PDE4DIP: variants seen among roughly 807,000 people sequenced by gnomAD.
PDE4DIP encodes the protein myomegalin.
In PDE4DIP, 59 loss-of-function variants were observed where a neutral mutation model predicts 221.4. That is an observed-to-expected ratio of 0.27 (90% CI 0.22 to 0.33). The LOEUF is 0.33. PDE4DIP is among the 10% of genes least tolerant of loss of function. PDE4DIP has a pLI of 1.00. For synonymous variants in PDE4DIP, 404 were observed against 815.9 expected (o/e 0.50, Z 8.60); for missense variants, 1,036 against 2,154.2 (o/e 0.48, Z 10.28).
intron 42 of PDE4DIP, 53 bp downstream of exon 45, chr1:149,029,978 C>T (rs1575695428): frequency 3.0e-5 from 21 of 706,186 alleles, no homozygotes; most frequent in South Asian, 1.6e-4. Flanking sequence ...TCCCGATGCC[C>T]CACTTGTGCT....
intron 5 of PDE4DIP, among the ~76,000 whole-genome samples, chr1:148,950,511 TAAAGA>T (rs1384265685): frequency 6.6e-6 from 1 of 152,120 alleles, no homozygotes; most frequent in Non-Finnish European, 1.5e-5. Context: ...AGGTAATGTA[TAAAGA>T]AAAGAGGTTT....
chr1:148,936,782 T>TA (rs111645176), intron 4 of PDE4DIP, among the ~76,000 whole-genome samples: 3,071 of 152,110 alleles, frequency 0.02, 15 homozygotes, highest in African/African-American at 0.071. Flanking sequence ...AGCCTAGGCC[T>TA]ACACAGTGTC....
chr1:148,980,037 G>A lies in PDE4DIP; in HGVS notation c.2687+188G>A, dbSNP rs587728165. On this transcript the variant is annotated intron_variant, in intron 20 of 43. Transcript: ENST00000369354. ...TTTATGGATTGCTCTGAGCCTCAGT[G>A]TCAAAATCTTAAGTTGGGATTAGTG... 2.0e-5 allele frequency among the ~76,000 whole-genome samples: 3 copies of A among 152,366 alleles called. No homozygotes were observed. The South Asian group carries it at 6.2e-4, about 32-fold the overall frequency.
chr1:148,949,100 A>G (rs1198898581), intron 5 of PDE4DIP, among the ~76,000 whole-genome samples: 1 of 152,186 alleles, frequency 6.6e-6, no homozygotes, highest in Non-Finnish European at 1.5e-5. Flanking sequence ...ACTGTATTGT[A>G]TTGTATGAAT....
intron 5 of PDE4DIP, among the ~76,000 whole-genome samples, chr1:148,954,611 T>C (rs1191982346): frequency 1.3e-5 from 2 of 152,210 alleles, no homozygotes; most frequent in Admixed American, 1.3e-4. Flanking sequence ...TACTGGAAGA[T>C]ATTTGATATT....
At chr1:148,911,904 C>G (rs1462156965) in intron 1 of PDE4DIP, among the ~76,000 whole-genome samples, 43 of 149,566 alleles carry the variant, frequency 2.9e-4, no homozygotes, top group African/African-American at 1.1e-3. Context: ...AGCAAATCTG[C>G]AAGCAAGAGA....
intron 5 of PDE4DIP, among the ~76,000 whole-genome samples, chr1:148,944,141 A>G (rs1250928733): frequency 1.3e-5 from 2 of 152,350 alleles, no homozygotes; most frequent in Non-Finnish European, 2.9e-5. Context: ...TGGAGAAATG[A>G]CATACAAGTT....
At chr1:149,009,859 T>G in intron 30 of PDE4DIP, 68 bp downstream of exon 33, 1 of 1,128,490 alleles carries the variant, frequency 8.9e-7, no homozygotes, top group Non-Finnish European at 1.3e-6. Flanking sequence ...AAACAGGGCT[T>G]ATAGCTCCAC....
intron 23 of PDE4DIP, among the ~76,000 whole-genome samples, chr1:148,999,934 G>GT (rs66922073): frequency 0.068 from 10,124 of 149,520 alleles, 751 homozygotes; most frequent in East Asian, 0.45. Flanking sequence ...AAAAATATCA[G>GT]TTTTTTTTAA....
intron 21 of PDE4DIP, chr1:148,983,106 T>G (rs1219282004): frequency 2.6e-5 from 4 of 152,106 alleles, no homozygotes; most frequent in Admixed American, 6.6e-5. Context: ...TCCATCCACT[T>G]TTCTTAGTCT....
intron 17 of PDE4DIP, 57 bp from the exon 21 acceptor site, chr1:148,977,880 G>A (rs2060479536): frequency 6.3e-7 from 1 of 1,595,856 alleles, no homozygotes; most frequent in African/African-American, 1.4e-5. Flanking sequence ...ATATGCAAAA[G>A]CATTTGCCTC....
intron 1 of PDE4DIP, among the ~76,000 whole-genome samples, chr1:148,816,396 A>G (rs1488037469): frequency 1.3e-5 from 2 of 152,208 alleles, no homozygotes; most frequent in African/African-American, 4.8e-5. Flanking sequence ...TTACATTCCC[A>G]TCAACAGTGT....
At chr1:149,032,868 A>AC (rs2077023151) in exon 44 of PDE4DIP, 1 of 208,392 alleles carries the variant, frequency 4.8e-6, no homozygotes, top group Non-Finnish European at 9.7e-6. Flanking sequence ...TTGTGTGTAT[A>AC]AATATATGAT....
intron 21 of PDE4DIP, chr1:148,982,040 A>G (rs1191947095): frequency 3.9e-5 from 6 of 153,958 alleles, no homozygotes; most frequent in African/African-American, 1.2e-4. Context: ...GCCAAGTTAA[A>G]GAACAGAGGC....
intron 1 of PDE4DIP, among the ~76,000 whole-genome samples, chr1:148,813,830 G>T: frequency 1.9e-5 from 2 of 106,804 alleles, no homozygotes; most frequent in South Asian, 6.1e-4. Flanking sequence ...TGTTTGTTAA[G>T]AGCACTATCC....
At chr1:149,018,202 T>A (rs1164911884) in intron 34 of PDE4DIP, 1 of 385,988 alleles carries the variant, frequency 2.6e-6, no homozygotes, top group East Asian at 5.0e-5. Context: ...TACCCTCGCC[T>A]CTTTACCAAG....
At chr1:148,954,018 C>G in intron 5 of PDE4DIP, 1 of 698,470 alleles carries the variant, frequency 1.4e-6, no homozygotes, top group East Asian at 2.5e-5. Flanking sequence ...GAAAATTAGT[C>G]ATGACCCCAT....
chr1:149,013,730 C>T (rs1246132086), intron 32 of PDE4DIP, among the ~76,000 whole-genome samples: 1 of 106,082 alleles, frequency 9.4e-6, no homozygotes, highest in Non-Finnish European at 1.9e-5. Context: ...GCATCCCCCT[C>T]CCTACAGCCC....
intron 5 of PDE4DIP, among the ~76,000 whole-genome samples, chr1:148,958,113 T>C (rs1394900577): frequency 7.8e-6 from 1 of 128,070 alleles, no homozygotes; most frequent in African/African-American, 3.0e-5. Context: ...CTTCCTGTTA[T>C]ACTCACAACA....
Sources: allele counts gnomAD v4.1 joint callset (sites outside exome capture counted in the v4.1 genomes callset), GRCh38; gene constraint gnomAD v4.1.1; transcripts MANE v1.5; gene names NCBI Gene and HGNC (gene_info 2026-07-23, HGNC 2026-07-21).